The following PRSS23 variants were observed in gnomAD, a reference collection of about 807,000 sequenced individuals.
PRSS23 encodes serine protease 23, also known as protease, serine 23.
In PRSS23, 25 loss-of-function variants were observed where a neutral mutation model predicts 34.7. That is an observed-to-expected ratio of 0.72 (90% CI 0.53 to 1.01). The LOEUF (loss-of-function observed/expected upper bound fraction) is 1.01. Ranked by LOEUF, PRSS23 falls within the 50% of genes least tolerant of loss-of-function variation. The probability of loss-of-function intolerance (pLI) is 0.00; values close to 1 mark genes in which losing one functional copy is unlikely to be tolerated. For missense variants in PRSS23, 445 were observed against 475.6 expected, an observed-to-expected ratio of 0.94 and a Z score of 0.60; for synonymous variants, 176 against 186.6, an observed-to-expected ratio of 0.94 and a Z score of 0.46.
chr11:86,859,588 G>A lies in PRSS23; in HGVS notation c.206+35995G>A, dbSNP rs115901691. Among the ~76,000 whole-genome samples, 103 of 151,966 alleles carry A rather than the reference G, an allele frequency of 6.8e-4. 2 individuals are homozygous for A. The highest frequency in any genetic ancestry group is 2.3e-3 in the African/African-American group (96 of 41,384). ...GTTCCTAATATTAAGGGTGAGGGGG[G>A]AAGGATGATATTACTCCCAGTATCA... On this transcript the variant is annotated intron_variant, in intron 2 of 2. Coordinates refer to the PRSS23 transcript ENST00000533902.
intron 2 of PRSS23, among the ~76,000 whole-genome samples, chr11:86,901,046 A>G (rs920121871): frequency 1.3e-5 from 2 of 151,680 alleles, no homozygotes; most frequent in Non-Finnish European, 2.9e-5. Context: ...CAGCCTCCCA[A>G]AGTGCTGGGA....
intron 2 of PRSS23, among the ~76,000 whole-genome samples, chr11:86,846,506 T>C (rs774056862): frequency 7.2e-5 from 11 of 152,190 alleles, no homozygotes; most frequent in Non-Finnish European, 1.3e-4. Context: ...ACTCTTTTGC[T>C]TTCCATGGTG....
chr11:86,939,504 C>T (rs1306487668), intron 2 of PRSS23, among the ~76,000 whole-genome samples: 1 of 147,244 alleles, frequency 6.8e-6, no homozygotes, highest in Admixed American at 6.9e-5. Context: ...ATTCCTCAGA[C>T]TACCTGCAAA....
At chr11:86,920,934 C>G (rs1949043773) in intron 2 of PRSS23, among the ~76,000 whole-genome samples, 1 of 152,172 alleles carries the variant, frequency 6.6e-6, no homozygotes, top group Non-Finnish European at 1.5e-5. Flanking sequence ...CTTTCCCTCT[C>G]AGCGCCATTT....
chr11:86,913,292 C>A (rs1318626791), intron 2 of PRSS23, among the ~76,000 whole-genome samples: 8 of 118,520 alleles, frequency 6.7e-5, no homozygotes, highest in Admixed American at 3.2e-4. Flanking sequence ...AAAAAAAAAA[C>A]CTATTAAAAA....
chr11:86,877,644 A>G (rs1387147779), intron 2 of PRSS23, among the ~76,000 whole-genome samples: 3 of 152,080 alleles, frequency 2.0e-5, no homozygotes, highest in Admixed American at 1.3e-4. Flanking sequence ...TCAGAAATCA[A>G]TTTACTGTAT....
chr11:86,879,838 C>G (rs1437333200), intron 2 of PRSS23, among the ~76,000 whole-genome samples: 2 of 110,508 alleles, frequency 1.8e-5, no homozygotes, highest in African/African-American at 3.8e-5. Context: ...GTCAGCCCCC[C>G]GCCCGGCCAG....
At chr11:86,894,872 T>G (rs1216004124) in intron 2 of PRSS23, among the ~76,000 whole-genome samples, 1 of 152,236 alleles carries the variant, frequency 6.6e-6, no homozygotes, top group African/African-American at 2.4e-5. Flanking sequence ...GTATCTCATT[T>G]ATGTTTTTAA....
intron 2 of PRSS23, among the ~76,000 whole-genome samples, chr11:86,825,738 A>G (rs1412387706): frequency 2.6e-3 from 382 of 146,144 alleles, no homozygotes; most frequent in African/African-American, 9.9e-3. Flanking sequence ...TAAATAGGGA[A>G]TCCTTTCCCC....
rs191128125 is a variant in PRSS23, at chr11:86,834,312, C to T, written c.206+10719C>T. The stretch of plus-strand genomic sequence containing the variant: ...GCAGGCAAAAGTATTTTTCCTTCTT[C>T]GGTGGCTAGTCATCCTGAGGGGAGG... On this transcript the variant is annotated intron_variant, in intron 2 of 2. Coordinates refer to the PRSS23 transcript ENST00000533902. Among the ~76,000 whole-genome samples, 176 of 152,194 alleles carry T rather than the reference C, an allele frequency of 1.2e-3. 1 individual carries two copies. The highest frequency in any genetic ancestry group is 4.0e-3 in the African/African-American group (168 of 41,526).
chr11:86,889,049 G>A (rs1373966249), intron 2 of PRSS23, among the ~76,000 whole-genome samples: 1 of 152,156 alleles, frequency 6.6e-6, no homozygotes, highest in East Asian at 1.9e-4. Flanking sequence ...TCCTTGGGAG[G>A]GGCAGTTTTA....
chr11:86,843,352 T>C (rs1009136943), intron 2 of PRSS23, among the ~76,000 whole-genome samples: 7 of 152,152 alleles, frequency 4.6e-5, no homozygotes, highest in African/African-American at 1.4e-4. Flanking sequence ...ATTAAGGACA[T>C]AGGCGTGGGC....
chr11:86,934,046 T>G (rs1224975460), intron 2 of PRSS23: 9 of 152,216 alleles, frequency 5.9e-5, no homozygotes, highest in Admixed American at 5.9e-4. Flanking sequence ...AGACTGTGTT[T>G]GCTTGTGTCA....
downstream of PRSS23, among the ~76,000 whole-genome samples, chr11:86,813,197 C>A (rs901861340): frequency 1.3e-5 from 2 of 152,210 alleles, no homozygotes; most frequent in Admixed American, 1.3e-4. Context: ...TAACAGATAG[C>A]TGTCTCAAGT....
intron 1 of PRSS23, chr11:86,823,334 C>T (rs1948267851): frequency 1.4e-6 from 1 of 697,576 alleles, no homozygotes; most frequent in Non-Finnish European, 2.6e-6. Flanking sequence ...TAGTGTAAAG[C>T]CAGGACTTTG....
At chr11:86,932,538 A>T (rs1230060943) in intron 2 of PRSS23, among the ~76,000 whole-genome samples, 3 of 152,058 alleles carry the variant, frequency 2.0e-5, no homozygotes, top group Admixed American at 2.0e-4. Context: ...CTGTGTGGAA[A>T]TCAGGCAAAA....
chr11:86,810,023 A>G lies in PRSS23; in HGVS notation c.*1228A>G, dbSNP rs964286634. ...CGCTTTTGCTGGAATGCTCTAGGTTATAGATAAACAATTAGGTATAATAGC... is the reference window on the plus strand; with the variant it reads ...CGCTTTTGCTGGAATGCTCTAGGTTGTAGATAAACAATTAGGTATAATAGC... On this transcript the variant is annotated 3_prime_UTR_variant, in exon 2 of 2. Coordinates refer to ENST00000280258, the MANE Select transcript of PRSS23 (RefSeq NM_007173.6). 5 of 167,126 alleles carry G rather than the reference A, an allele frequency of 3.0e-5. No individual in the cohort carries two copies. The highest frequency in any genetic ancestry group is 1.2e-4 in the African/African-American group (5 of 41,586). 10.4% of individuals were successfully genotyped at this position (167,126 alleles called of 1,614,324 possible). A position where few individuals can be genotyped will look rare whatever the true frequency, so the allele number is the denominator to read the frequency against.
chr11:86,945,925 G>A (rs1420177005), intron 2 of PRSS23: 1 of 152,650 alleles, frequency 6.6e-6, no homozygotes, highest in East Asian at 1.9e-4. Context: ...GGTTCCTGGA[G>A]CTGTGGGGTG....
chr11:86,822,704 C>G (rs899441477), intron 1 of PRSS23, among the ~76,000 whole-genome samples: 1 of 151,734 alleles, frequency 6.6e-6, no homozygotes, highest in Non-Finnish European at 1.5e-5. Context: ...AAGGAAAACC[C>G]TGTTTACAAC....
Sources: allele counts gnomAD v4.1 joint callset (sites outside exome capture counted in the v4.1 genomes callset), GRCh38; gene constraint gnomAD v4.1.1; transcripts MANE v1.5; gene names NCBI Gene and HGNC (gene_info 2026-07-23, HGNC 2026-07-21).